The following FBP1 variants were observed in gnomAD, a reference collection of about 807,000 sequenced individuals.
FBP1 encodes the protein fructose-1,6-bisphosphatase 1.
Under a neutral mutation model 29.9 loss-of-function variants are expected in FBP1, and 22 were observed. The observed-to-expected ratio is 0.74, with a 90% confidence interval of 0.53 to 1.05. The LOEUF is 1.05. Among genes scored for constraint, FBP1 ranks in the 50% least tolerant of loss-of-function variants. The pLI is 0.00. For missense variants in FBP1, 345 were observed against 448.2 expected, an observed-to-expected ratio of 0.77 and a Z score of 2.08; for synonymous variants, 175 against 178.6, an observed-to-expected ratio of 0.98 and a Z score of 0.16.
At chr9:94,634,806 C>T (rs765658190) in intron 1 of FBP1, among the ~76,000 whole-genome samples, 7 of 152,056 alleles carry the variant, frequency 4.6e-5, no homozygotes, top group African/African-American at 7.2e-5. Context: ...ACTAAAAATA[C>T]AAAAATTAGG....
intron 4 of FBP1, among the ~76,000 whole-genome samples, chr9:94,608,413 TC>T (rs1322998293): frequency 6.6e-6 from 1 of 152,000 alleles, no homozygotes; most frequent in African/African-American, 2.4e-5. Context: ...ACAGGGATGC[TC>T]CCCTGCAATC....
intron 1 of FBP1, among the ~76,000 whole-genome samples, chr9:94,636,582 G>C (rs979408883): frequency 6.6e-6 from 1 of 151,938 alleles, no homozygotes; most frequent in Admixed American, 6.6e-5. Flanking sequence ...CACTGTCTAA[G>C]GTTACTTAGA....
At chr9:94,614,836 G>A (rs926979988) in intron 3 of FBP1, among the ~76,000 whole-genome samples, 3 of 152,108 alleles carry the variant, frequency 2.0e-5, no homozygotes, top group African/African-American at 7.2e-5. Context: ...CAATCAATAA[G>A]GCTTCAAAAA....
intron 3 of FBP1, among the ~76,000 whole-genome samples, chr9:94,610,443 A>G (rs568492960): frequency 2.6e-5 from 4 of 152,300 alleles, no homozygotes; most frequent in Admixed American, 2.6e-4. Context: ...ATAAATTAAC[A>G]CTGGGCTGCA....
rs28369732 is a variant in FBP1, at chr9:94,609,558, T to C, written c.567+363A>G. Among the ~76,000 whole-genome samples, 561 of 152,284 alleles carry C rather than the reference T, an allele frequency of 3.7e-3. 5 individuals carry two copies. Among genetic ancestry groups the C allele is most frequent in the East Asian group, 0.033 (172 of 5,180 alleles). On this transcript the variant is annotated intron_variant, in intron 4 of 6. Transcript: ENST00000375326. ...CTCCCAATTGTAATTGCTGGAACTCTTCAGTTCACCCCAGTTCCACCCTTG... is the reference window on the plus strand; with the variant it reads ...CTCCCAATTGTAATTGCTGGAACTCCTCAGTTCACCCCAGTTCCACCCTTG...
chr9:94,628,299 T>C (rs894720486), intron 1 of FBP1, among the ~76,000 whole-genome samples: 1 of 151,728 alleles, frequency 6.6e-6, no homozygotes, highest in Non-Finnish European at 1.5e-5. Context: ...GGCACAAGAA[T>C]TGCTTGAACC....
rs755134577 is a variant in FBP1 at position 94,620,313 on chromosome 9, G to C, written c.333+16C>G. On this transcript the variant is annotated intron_variant, in intron 2 of 6. Coordinates refer to ENST00000375326, the MANE Select transcript of FBP1 (RefSeq NM_000507.4). ...CGGCTACATTAAAACCCTCAATGGT[G>C]GAAGTACAGACCCACCCTTTTCTCC... is the stretch of plus-strand genomic sequence containing the variant. The C allele has an allele frequency of 3.1e-6, 5 of 1,613,446 alleles. No homozygotes were observed. Among genetic ancestry groups the C allele is most frequent in the African/African-American group, 1.3e-5 (1 of 74,898 alleles).
chr9:94,631,139 G>C (rs528221638), intron 1 of FBP1, among the ~76,000 whole-genome samples: 1 of 152,276 alleles, frequency 6.6e-6, no homozygotes, highest in East Asian at 1.9e-4. Flanking sequence ...AAATTAGTTG[G>C]CCCTGCAGCC....
At chr9:94,638,055 C>A (rs1456676336) in intron 1 of FBP1, among the ~76,000 whole-genome samples, 2 of 147,030 alleles carry the variant, frequency 1.4e-5, no homozygotes, top group Non-Finnish European at 3.0e-5. Context: ...CATTGCACTC[C>A]AGCCTGGGCA....
rs759527980 is a variant in FBP1, at chr9:94,639,229, T to A, written c.82A>T (p.Thr28Ser). The change falls in exon 1 of 7, where the codon ACG becomes TCG. Residue 28 changes from threonine to serine, a missense_variant. By Grantham distance (58) the Thr-to-Ser change is moderately conservative. Transcript: ENST00000375326. ...TTGAGCAGCTGGGTCAACTCGCCCG[T>A]GCCGCGGGCCTTCCTGCCCTCCTCC... ...VMEEGRKARG[T>S]GELTQLLNSL... 2 of 1,601,542 alleles carry A rather than the reference T, an allele frequency of 1.2e-6. No individual in the cohort carries two copies. Among genetic ancestry groups the A allele is most frequent in the African/African-American group, 1.3e-5 (1 of 74,732 alleles).
At chr9:94,614,920 A>C (rs1018736435) in intron 3 of FBP1, among the ~76,000 whole-genome samples, 1 of 151,800 alleles carries the variant, frequency 6.6e-6, no homozygotes, top group African/African-American at 2.4e-5. Context: ...TTATTTATTT[A>C]TTTTTTGAGA....
intron 1 of FBP1, among the ~76,000 whole-genome samples, chr9:94,621,712 C>T (rs971500804): frequency 1.3e-5 from 2 of 151,966 alleles, no homozygotes; most frequent in African/African-American, 4.8e-5. Context: ...AAAAAGTTTG[C>T]GGGTGTTTTT....
At chr9:94,606,768 T>A in intron 5 of FBP1, 47 bp downstream of exon 5, 1 of 1,590,942 alleles carries the variant, frequency 6.3e-7, no homozygotes, top group East Asian at 2.3e-5. Flanking sequence ...CGGCCTCTGG[T>A]GCCAGATGCC....
At chr9:94,608,142 A>G (rs1482109173) in intron 4 of FBP1, among the ~76,000 whole-genome samples, 1 of 152,192 alleles carries the variant, frequency 6.6e-6, no homozygotes. Context: ...ACAGAGACAA[A>G]ACATAAAAGC....
At chr9:94,634,399 G>A (rs183716887) in intron 1 of FBP1, among the ~76,000 whole-genome samples, 30 of 152,082 alleles carry the variant, frequency 2.0e-4, no homozygotes, top group African/African-American at 6.7e-4. Context: ...TGTTGTTCTC[G>A]TCTTCTGGAA....
intron 1 of FBP1, among the ~76,000 whole-genome samples, chr9:94,630,767 T>C (rs1828093383): frequency 6.6e-6 from 1 of 152,262 alleles, no homozygotes; most frequent in African/African-American, 2.4e-5. Context: ...GTTCAAATTC[T>C]GCCTTTGCTT....
intron 3 of FBP1, among the ~76,000 whole-genome samples, chr9:94,613,582 T>C (rs1827817399): frequency 6.6e-6 from 1 of 150,828 alleles, no homozygotes; most frequent in South Asian, 2.1e-4. Flanking sequence ...CTGGGAAACA[T>C]AGCGAGACCC....
intron 4 of FBP1, among the ~76,000 whole-genome samples, chr9:94,608,542 AG>A (rs2095508975): frequency 6.6e-6 from 1 of 152,220 alleles, no homozygotes; most frequent in Non-Finnish European, 1.5e-5. Context: ...AGCAAACATC[AG>A]TGGTGCCCGA....
At chr9:94,639,611 C>A, upstream of FBP1, 1 of 509,986 alleles carries the variant, frequency 2.0e-6, no homozygotes, top group Non-Finnish European at 3.5e-6. Flanking sequence ...ACCCCGCGGA[C>A]CAGACCGCGG....
Sources: allele counts gnomAD v4.1 joint callset (sites outside exome capture counted in the v4.1 genomes callset), GRCh38; gene constraint gnomAD v4.1.1; transcripts MANE v1.5; gene names NCBI Gene and HGNC (gene_info 2026-07-23, HGNC 2026-07-21).